The following MRTFA variants were observed in gnomAD, a reference collection of about 807,000 sequenced individuals.
The protein encoded by MRTFA is myocardin related transcription factor A.
MRTFA carries 20 observed loss-of-function variants against 83.5 expected under a neutral mutation model. The observed-to-expected ratio is 0.24, with a 90% CI of 0.17 to 0.35. The LOEUF (loss-of-function observed/expected upper bound fraction) is 0.35. Among genes scored for constraint, MRTFA ranks in the 10% least tolerant of loss-of-function variants. MRTFA has a pLI of 1.00. For missense variants in MRTFA, 1,200 were observed against 1,224.7 expected (o/e 0.98, Z 0.30); for synonymous variants, 659 against 541.2 (o/e 1.22, Z -3.02).
chr22:40,532,934 T>G (rs2055107335), intron 3 of MRTFA, among the ~76,000 whole-genome samples: 1 of 152,202 alleles, frequency 6.6e-6, no homozygotes, highest in Admixed American at 6.5e-5. Context: ...GACTTCCAAG[T>G]GTAAAAACAC....
At chr22:40,607,126 T>A (rs929319204) in intron 1 of MRTFA, among the ~76,000 whole-genome samples, 1 of 152,158 alleles carries the variant, frequency 6.6e-6, no homozygotes, top group Admixed American at 6.5e-5. Context: ...AACAAGTAAC[T>A]GTGCTGGGTG....
chr22:40,502,459 G>C (rs1021879006), intron 3 of MRTFA, among the ~76,000 whole-genome samples: 1 of 133,074 alleles, frequency 7.5e-6, no homozygotes, highest in Non-Finnish European at 1.6e-5. Context: ...CATCTCAGAC[G>C]ATGGGCGGCC....
chr22:40,447,981 C>A (rs73167047), intron 4 of MRTFA, among the ~76,000 whole-genome samples: 4 of 152,188 alleles, frequency 2.6e-5, no homozygotes, highest in South Asian at 4.1e-4. Flanking sequence ...TTGCTTGAGC[C>A]CAGGAGTTCA....
rs55808950 is a variant in MRTFA, at chr22:40,489,971, C to CAAAA, written c.242-26689_242-26686dup. ...TGGGAGACAAAGCATGACTCTGTCG[C>CAAAA]AAAAAAAAAAAAAAAAATCAGAAAA... is the stretch of plus-strand genomic sequence containing the variant. On this transcript the variant is annotated intron_variant, in intron 3 of 14. Transcript: ENST00000355630. Among the ~76,000 whole-genome samples, 441 of 105,864 alleles carry CAAAA rather than the reference C, an allele frequency of 4.2e-3. 29 individuals are homozygous for CAAAA. Among genetic ancestry groups the CAAAA allele is most frequent in the Middle Eastern group, 0.026 (5 of 196 alleles). The allele number at this position is 105,864 out of a possible 152,430, so 69.5% of individuals were successfully genotyped here.
chr22:40,631,290 C>A (rs1240186710), intron 1 of MRTFA, among the ~76,000 whole-genome samples: 2 of 152,182 alleles, frequency 1.3e-5, no homozygotes, highest in East Asian at 3.8e-4. Flanking sequence ...TTCACCCAGT[C>A]AGTTCTACGC....
intron 3 of MRTFA, among the ~76,000 whole-genome samples, chr22:40,467,733 G>A (rs764578202): frequency 6.6e-6 from 1 of 151,848 alleles, no homozygotes; most frequent in Non-Finnish European, 1.5e-5. Flanking sequence ...ATCTTTCTAT[G>A]TCATTGTATA....
chr22:40,556,799 C>T (rs1361462182), intron 2 of MRTFA, among the ~76,000 whole-genome samples: 1 of 152,178 alleles, frequency 6.6e-6, no homozygotes, highest in African/African-American at 2.4e-5. Context: ...TATTCTTTGT[C>T]ATTGACTCTG....
At chr22:40,478,561 CTT>C (rs1480105563) in intron 3 of MRTFA, among the ~76,000 whole-genome samples, 1 of 152,176 alleles carries the variant, frequency 6.6e-6, no homozygotes, top group Non-Finnish European at 1.5e-5. Context: ...CTTTCCTTCT[CTT>C]TCTTTTGCCT....
intron 3 of MRTFA, among the ~76,000 whole-genome samples, chr22:40,550,627 A>T (rs2055429396): frequency 6.6e-6 from 1 of 152,200 alleles, no homozygotes; most frequent in South Asian, 2.1e-4. Flanking sequence ...TGAAGAACAC[A>T]TAATTTTCTC....
intron 6 of MRTFA, 113 bp from the exon 7 acceptor site, chr22:40,429,880 C>A: frequency 5.4e-6 from 6 of 1,114,580 alleles, no homozygotes; most frequent in Non-Finnish European, 7.6e-6. Flanking sequence ...ACTGTCAGAA[C>A]GGTAAGCATA....
rs751959727 is a variant in MRTFA at position 40,419,144 on chromosome 22, C to T, written c.1594G>A (p.Val532Met). The change falls in exon 12 of 15, where the codon GTG becomes ATG. Residue 532 changes from valine (V) to methionine (M), a missense_variant. Val to Met is a conservative substitution (Grantham distance 21, BLOSUM62 1). This residue lies in a region of MRTFA where 1,107 missense variants were observed against 1,041.8 expected (regional missense o/e 1.06). Transcript: ENST00000355630. ...CCACTGCTGGCCACCGTGGCCACCA[C>T]CACCTCAGCTGGAGCCAGGCCTGCT... 24 of 1,586,488 alleles carry T rather than the reference C, an allele frequency of 1.5e-5. No homozygotes were observed. The East Asian group carries it at 2.8e-4, about 18-fold the overall frequency.
At chr22:40,582,762 C>T (rs2055968779) in intron 2 of MRTFA, among the ~76,000 whole-genome samples, 1 of 152,094 alleles carries the variant, frequency 6.6e-6, no homozygotes, top group Non-Finnish European at 1.5e-5. Context: ...GTTCAAAAAT[C>T]AAGGTAAACC....
intron 3 of MRTFA, among the ~76,000 whole-genome samples, chr22:40,533,218 TAG>T (rs1341275533): frequency 1.3e-5 from 2 of 152,144 alleles, no homozygotes; most frequent in Non-Finnish European, 2.9e-5. Context: ...CATAAAAACA[TAG>T]AGTCTAGACT....
At chr22:40,512,217 A>T (rs2147243525) in intron 3 of MRTFA, among the ~76,000 whole-genome samples, 1 of 152,332 alleles carries the variant, frequency 6.6e-6, no homozygotes, top group African/African-American at 2.4e-5. Flanking sequence ...TCTTTTTGCT[A>T]TCCAAGAGTG....
At chr22:40,452,514 A>G (rs1181990733) in intron 4 of MRTFA, among the ~76,000 whole-genome samples, 1 of 152,184 alleles carries the variant, frequency 6.6e-6, no homozygotes, top group Admixed American at 6.5e-5. Context: ...AACTGTAACA[A>G]GAACTCATAT....
At chr22:40,430,728 C>A (rs558121076) in intron 6 of MRTFA, among the ~76,000 whole-genome samples, 1 of 151,768 alleles carries the variant, frequency 6.6e-6, no homozygotes, top group South Asian at 2.1e-4. Flanking sequence ...GGTGTGGTGG[C>A]GCTCGTCTGT....
chr22:40,594,347 T>A (rs1301402756), intron 2 of MRTFA, among the ~76,000 whole-genome samples: 1 of 152,170 alleles, frequency 6.6e-6, no homozygotes, highest in Admixed American at 6.5e-5. Context: ...ACACAAAAAC[T>A]TCTGCCCTCA....
In MRTFA at chr22:40,423,547, T is replaced by C. The variant is rs181612487; in HGVS notation, c.916A>G (p.Thr306Ala). 9.6e-6 allele frequency: 15 copies of C among 1,555,026 alleles called. No individual in the cohort carries two copies. The East Asian group carries it at 3.6e-4, about 37-fold the overall frequency. Residue 306 changes from threonine (T) to alanine (A), a missense_variant, in exon 9 of 15, where the codon ACA (threonine) becomes GCA (alanine). By Grantham distance (58) the Thr-to-Ala change is moderately conservative (BLOSUM62 0). Coordinates refer to ENST00000355630, the MANE Select transcript of MRTFA (RefSeq NM_020831.6). ...TGGCAGAAATGTACCTTAATGAGTGTGGGGGTGGACTTGGCAGTGGGGATA... is the reference window on the plus strand; with the variant it reads ...TGGCAGAAATGTACCTTAATGAGTGCGGGGGTGGACTTGGCAGTGGGGATA...
chr22:40,557,080 A>G (rs894760299), intron 2 of MRTFA, among the ~76,000 whole-genome samples: 4 of 152,238 alleles, frequency 2.6e-5, no homozygotes, highest in African/African-American at 9.6e-5. Flanking sequence ...ATAACTCTGT[A>G]TGCAGTAGAT....
Sources: allele counts gnomAD v4.1 joint callset (sites outside exome capture counted in the v4.1 genomes callset), GRCh38; gene constraint gnomAD v4.1.1; regional missense constraint gnomAD v4.1.1; transcripts MANE v1.5; gene names NCBI Gene and HGNC (gene_info 2026-07-23, HGNC 2026-07-21).